The following GRIN2A variants were observed in gnomAD, a reference collection of about 807,000 sequenced individuals.
GRIN2A encodes the protein glutamate receptor ionotropic, NMDA 2A.
In GRIN2A, 22 loss-of-function variants were observed where a neutral mutation model predicts 113.4. The observed-to-expected ratio is 0.19, with a 90% CI of 0.14 to 0.28. The LOEUF (loss-of-function observed/expected upper bound fraction) is 0.28, where lower values mean the gene tolerates loss of function less well. Among genes scored for constraint, GRIN2A ranks in the 10% least tolerant of loss-of-function variants. GRIN2A has a pLI of 1.00. For synonymous variants in GRIN2A, 827 were observed against 738.4 expected, an observed-to-expected ratio of 1.12 and a Z score of -1.94; for missense variants, 1,502 against 1,887.0, an observed-to-expected ratio of 0.80 and a Z score of 3.78.
chr16:9,964,330 G>A (rs1404243479), intron 2 of GRIN2A, among the ~76,000 whole-genome samples: 1 of 152,158 alleles, frequency 6.6e-6, no homozygotes, highest in Non-Finnish European at 1.5e-5. Flanking sequence ...CAATTACTCA[G>A]CCTTGAATTC....
chr16:9,784,257 C>G (rs1035533108), intron 11 of GRIN2A, among the ~76,000 whole-genome samples: 3 of 152,032 alleles, frequency 2.0e-5, no homozygotes, highest in African/African-American at 7.3e-5. Context: ...TGGCAAAACC[C>G]AGTCTCTACT....
chr16:10,063,859 G>A (rs545928551), intron 2 of GRIN2A, among the ~76,000 whole-genome samples: 1 of 152,262 alleles, frequency 6.6e-6, no homozygotes, highest in Non-Finnish European at 1.5e-5. Context: ...CAAAAGCCGG[G>A]CTGATAATGG....
intron 11 of GRIN2A, among the ~76,000 whole-genome samples, chr16:9,796,732 C>T (rs960157419): frequency 3.3e-5 from 5 of 152,212 alleles, no homozygotes; most frequent in African/African-American, 9.6e-5. Flanking sequence ...ACCACTGATT[C>T]GTACGCTTGT....
chr16:9,835,162 C>T (rs756145189), intron 7 of GRIN2A, among the ~76,000 whole-genome samples: 2 of 152,266 alleles, frequency 1.3e-5, no homozygotes, highest in Non-Finnish European at 2.9e-5. Flanking sequence ...CTTTATTAAT[C>T]TTGTTGATGT....
intron 2 of GRIN2A, among the ~76,000 whole-genome samples, chr16:10,132,228 A>G (rs760579118): frequency 3.6e-4 from 55 of 151,666 alleles, no homozygotes; most frequent in Non-Finnish European, 6.8e-4. Context: ...GCTACTCAGG[A>G]ACCTGAGGCA....
chr16:9,910,378 A>T (rs539170999), intron 3 of GRIN2A, among the ~76,000 whole-genome samples: 1 of 152,072 alleles, frequency 6.6e-6, no homozygotes, highest in African/African-American at 2.4e-5. Context: ...GTATTTTTCC[A>T]CAACAAAGAA....
At chr16:9,861,925 G>A (rs984494521) in intron 4 of GRIN2A, among the ~76,000 whole-genome samples, 3 of 152,168 alleles carry the variant, frequency 2.0e-5, no homozygotes, top group South Asian at 4.1e-4. Context: ...GATTGGAGGT[G>A]GTGGGATTAT....
chr16:9,836,478 T>C (rs2042585223), intron 7 of GRIN2A, among the ~76,000 whole-genome samples: 1 of 152,202 alleles, frequency 6.6e-6, no homozygotes, highest in South Asian at 2.1e-4. Flanking sequence ...AAACCTGCAG[T>C]GAACTTTTTT....
chr16:9,885,498 G>A (rs1038031969), intron 4 of GRIN2A, among the ~76,000 whole-genome samples: 11 of 152,140 alleles, frequency 7.2e-5, no homozygotes, highest in African/African-American at 2.4e-4. Context: ...GGTGTTTGGC[G>A]TCTGTATAAT....
intron 3 of GRIN2A, among the ~76,000 whole-genome samples, chr16:9,929,007 A>T (rs528475721): frequency 1.3e-5 from 2 of 152,350 alleles, no homozygotes; most frequent in East Asian, 3.9e-4. Flanking sequence ...CAAAATCAAC[A>T]TTGGGAACAG....
chr16:10,153,192 T>G (rs959025246), intron 2 of GRIN2A, among the ~76,000 whole-genome samples: 1 of 152,198 alleles, frequency 6.6e-6, no homozygotes, highest in East Asian at 1.9e-4. Flanking sequence ...GGGATGGCTA[T>G]TCATGTGTAG....
rs1422467803 is a variant in GRIN2A, at chr16:9,755,420, C to G, written c.*7729G>C. 1.6e-5 allele frequency: 3 copies of G among 184,274 alleles called. No individual in the cohort carries two copies. Among genetic ancestry groups the G allele is most frequent in the Non-Finnish European group, 3.5e-5 (3 of 86,760 alleles). 11.4% of individuals were successfully genotyped at this position (184,274 alleles called of 1,614,324 possible). On this transcript the variant is annotated 3_prime_UTR_variant, in exon 13 of 13. Coordinates refer to ENST00000330684, the MANE Select transcript of GRIN2A (RefSeq NM_001134407.3). ...GGATCTCCAAATAACAAATAATAAT[C>G]TTTCTGTCTTAAAAGGCTTTTTACT...
intron 2 of GRIN2A, among the ~76,000 whole-genome samples, chr16:10,073,782 A>T (rs553158287): frequency 2.0e-5 from 3 of 151,922 alleles, no homozygotes; most frequent in East Asian, 1.9e-4. Flanking sequence ...GGGCAACAGT[A>T]GCACGTGCCT....
intron 4 of GRIN2A, among the ~76,000 whole-genome samples, chr16:9,854,635 A>T (rs1445895018): frequency 6.6e-6 from 1 of 152,138 alleles, no homozygotes; most frequent in Admixed American, 6.5e-5. Flanking sequence ...CTCTTCTGCT[A>T]TTCTCTAAAC....
intron 11 of GRIN2A, among the ~76,000 whole-genome samples, chr16:9,789,553 TACACACACACACACACACACAC>T (rs71157785): frequency 6.7e-6 from 1 of 149,608 alleles, no homozygotes; most frequent in African/African-American, 2.4e-5. Flanking sequence ...GAAACATACA[TACACACACACACACACACACAC>T]ACACACACAC....
At chr16:10,047,989 C>T (rs921879505) in intron 2 of GRIN2A, among the ~76,000 whole-genome samples, 3 of 152,132 alleles carry the variant, frequency 2.0e-5, no homozygotes, top group African/African-American at 7.2e-5. Context: ...CCTACATGTC[C>T]CAGATAAACT....
chr16:10,116,113 T>C (rs1457889226), intron 2 of GRIN2A, among the ~76,000 whole-genome samples: 1 of 152,162 alleles, frequency 6.6e-6, no homozygotes, highest in Non-Finnish European at 1.5e-5. Context: ...ATGTGGTACA[T>C]ACATATTATG....
chr16:9,830,047 C>T (rs115971415), intron 8 of GRIN2A, among the ~76,000 whole-genome samples: 50 of 152,300 alleles, frequency 3.3e-4, no homozygotes, highest in African/African-American at 1.1e-3. Context: ...CCAAATTCAT[C>T]GGATGTGCTA....
At chr16:10,099,040 A>C (rs1037866681) in intron 2 of GRIN2A, among the ~76,000 whole-genome samples, 1 of 152,150 alleles carries the variant, frequency 6.6e-6, no homozygotes, top group Non-Finnish European at 1.5e-5. Context: ...ATAGTTGTTA[A>C]AAATAATTTA....
Sources: allele counts gnomAD v4.1 joint callset (sites outside exome capture counted in the v4.1 genomes callset), GRCh38; gene constraint gnomAD v4.1.1; transcripts MANE v1.5; gene names NCBI Gene and HGNC (gene_info 2026-07-23, HGNC 2026-07-21).